PI4KB: variants seen among roughly 807,000 people sequenced by gnomAD.
PI4KB encodes phosphatidylinositol 4-kinase beta, also known as PtdIns 4-kinase beta.
A neutral mutation model predicts 81.4 loss-of-function variants in PI4KB; 23 were observed. The ratio of observed to expected loss-of-function variants is 0.28; its 90% CI spans 0.20 to 0.40. The LOEUF is 0.40. Ranked by LOEUF, PI4KB falls within the 10% of genes least tolerant of loss-of-function variation. The probability of loss-of-function intolerance (pLI) is 1.00; values close to 1 mark genes in which losing one functional copy is unlikely to be tolerated. For missense variants in PI4KB, 651 were observed against 1,036.6 expected (o/e 0.63, Z 5.11); for synonymous variants, 381 against 406.8 (o/e 0.94, Z 0.76).
At chr1:151,308,035 T>G (rs1695931336) in intron 3 of PI4KB, among the ~76,000 whole-genome samples, 1 of 152,202 alleles carries the variant, frequency 6.6e-6, no homozygotes, top group South Asian at 2.1e-4. Context: ...AGGGAGGCCA[T>G]GAGTCCAGGT....
At chr1:151,301,379 C>A (rs1695260701) in intron 8 of PI4KB, among the ~76,000 whole-genome samples, 1 of 152,096 alleles carries the variant, frequency 6.6e-6, no homozygotes, top group African/African-American at 2.4e-5. Flanking sequence ...CTGCACCCAG[C>A]TAATTTTTGT....
At chr1:151,297,166 C>G (rs916082030) in intron 9 of PI4KB, among the ~76,000 whole-genome samples, 1 of 152,126 alleles carries the variant, frequency 6.6e-6, no homozygotes, top group Admixed American at 6.5e-5. Flanking sequence ...CTCTGTTGCC[C>G]TTAACCTCCT....
intron 9 of PI4KB, among the ~76,000 whole-genome samples, chr1:151,296,717 A>T (rs1417458661): frequency 1.3e-5 from 2 of 150,866 alleles, no homozygotes; most frequent in Non-Finnish European, 2.9e-5. Flanking sequence ...CGATTTGCCC[A>T]CCTCGGCCTC....
chr1:151,316,092 C>A lies in PI4KB; in HGVS notation c.390G>T (p.Leu130=), dbSNP rs776156416. The A allele has an allele frequency of 1.2e-6, 2 of 1,614,136 alleles. No individual in the cohort carries two copies. The highest frequency in any genetic ancestry group is 3.3e-5 in the Admixed American group (2 of 60,028). The change falls in exon 2 of 12, where the codon CTG becomes CTT. Residue 130 remains leucine (L), a synonymous_variant. Transcript: ENST00000368873. ...ACAGTTTTGACTCAAACAGCCTCAG[C>A]AGCCAAGACTGTTTAGCTGAGTTGT... ...RQNNSAKQSW[L]LRLFESKLFD... is the part of the protein sequence containing the mutation.
intron 2 of PI4KB, among the ~76,000 whole-genome samples, 177 bp from the exon 3 acceptor site, chr1:151,310,432 C>T (rs985225326): frequency 6.6e-6 from 1 of 152,180 alleles, no homozygotes; most frequent in Non-Finnish European, 1.5e-5. Context: ...GATGCTTGAC[C>T]ACTTGTAGGA....
At chr1:151,305,701 T>C (rs1207548594) in intron 5 of PI4KB, among the ~76,000 whole-genome samples, 1 of 152,220 alleles carries the variant, frequency 6.6e-6, no homozygotes, top group Non-Finnish European at 1.5e-5. Context: ...TCTTTCCAGT[T>C]AGGTCATAAA....
chr1:151,320,237 G>A (rs1648651447), intron 1 of PI4KB, among the ~76,000 whole-genome samples: 1 of 152,116 alleles, frequency 6.6e-6, no homozygotes. Context: ...GTTTCACCAT[G>A]TTAGCCAGGA....
At chr1:151,327,578 G>C (rs1169339190), upstream of PI4KB, 1 of 390,392 alleles carries the variant, frequency 2.6e-6, no homozygotes, top group Non-Finnish European at 4.5e-6. Flanking sequence ...CTTCTCCGGA[G>C]TCCAAGCCAA....
chr1:151,302,577 C>CTTTTTTTTTT (rs144203698), intron 6 of PI4KB, among the ~76,000 whole-genome samples: 8 of 133,792 alleles, frequency 6.0e-5, no homozygotes, highest in Admixed American at 7.7e-5. Context: ...CTTTTCTTTT[C>CTTTTTTTTTT]TTTTTTTTTT....
chr1:151,326,475 A>G, intron 1 of PI4KB: 1 of 389,980 alleles, frequency 2.6e-6, no homozygotes, highest in Non-Finnish European at 4.6e-6. Flanking sequence ...AATCCCTGAA[A>G]CTCGAGGGAG....
chr1:151,310,788 T>G (rs1014917137), intron 2 of PI4KB, among the ~76,000 whole-genome samples: 3 of 152,062 alleles, frequency 2.0e-5, no homozygotes, highest in Non-Finnish European at 2.9e-5. Context: ...ATACCTCTTC[T>G]CTAATTAGCC....
chr1:151,315,807 A>G lies in PI4KB; in HGVS notation c.675T>C (p.Ile225=), dbSNP rs1254056268. The G allele has an allele frequency of 6.2e-7, 1 of 1,612,978 alleles. No homozygotes were observed. The highest frequency in any genetic ancestry group is 8.5e-7 in the Non-Finnish European group (1 of 1,179,500). ...LLGAYSSDMH[I]STQRHSRGTK... The stretch of plus-strand genomic sequence containing the variant: ...TCCCACGGGAGTGTCGTTGAGTGGA[A>G]ATGTGCATGTCTGAAGAATAGGCCC... Residue 225 remains isoleucine, a synonymous_variant, in exon 2 of 12, where the codon ATT becomes ATC. Coordinates refer to ENST00000368873, the MANE Select transcript of PI4KB (RefSeq NM_001369623.2).
intron 9 of PI4KB, 82 bp downstream of exon 9, chr1:151,298,726 G>T: frequency 7.1e-7 from 1 of 1,400,586 alleles, no homozygotes; most frequent in Non-Finnish European, 9.9e-7. Flanking sequence ...ATGGAGGGCA[G>T]TAATAAGTAA....
chr1:151,311,219 C>A (rs1030708824), intron 2 of PI4KB, among the ~76,000 whole-genome samples: 1 of 151,510 alleles, frequency 6.6e-6, no homozygotes, highest in Non-Finnish European at 1.5e-5. Flanking sequence ...TCTACCAGGG[C>A]AGGGAACAGA....
At chr1:151,306,434 A>AGGAAGAACCTTGCT in intron 4 of PI4KB, 71 bp from the exon 5 acceptor site, 2 of 973,688 alleles carry the variant, frequency 2.1e-6, no homozygotes, top group Non-Finnish European at 3.3e-6. Context: ...CTCTGTTAGC[A>AGGAAGAACCTTGCT]AGGTTCTTCC....
intron 9 of PI4KB, chr1:151,298,497 A>G (rs1273987898): frequency 6.3e-5 from 23 of 364,640 alleles, no homozygotes. Flanking sequence ...ACATTCAATT[A>G]TTTCTTCTAG....
chr1:151,320,286 G>A (rs867453005), intron 1 of PI4KB, among the ~76,000 whole-genome samples: 3 of 152,126 alleles, frequency 2.0e-5, no homozygotes, highest in South Asian at 2.1e-4. Flanking sequence ...GCCCACCTCG[G>A]CCTCCCAAAG....
intron 9 of PI4KB, among the ~76,000 whole-genome samples, chr1:151,297,900 G>C (rs1328739078): frequency 6.6e-6 from 1 of 152,148 alleles, no homozygotes; most frequent in Admixed American, 6.6e-5. Context: ...ACTGGCCATT[G>C]CATTTCCACC....
rs1423800732 is a variant in PI4KB, at chr1:151,292,568, C to T, written c.*284G>A. 4 of 399,698 alleles carry T rather than the reference C, an allele frequency of 1.0e-5. No individual in the cohort carries two copies. Among genetic ancestry groups the T allele is most frequent in the Non-Finnish European group, 1.8e-5 (4 of 219,968 alleles). 24.8% of individuals were successfully genotyped at this position (399,698 alleles called of 1,614,324 possible). On this transcript the variant is annotated 3_prime_UTR_variant, in exon 12 of 12. Coordinates refer to ENST00000368873, the MANE Select transcript of PI4KB (RefSeq NM_001369623.2). ...GCCCCAGTGTCCCTCACATTTGTCA[C>T]CTCTGTTTTCTGGAGGGCAGTGAGT...
Sources: gnomAD v4.1 joint callset for allele counts (sites outside exome capture counted in the v4.1 genomes callset) on GRCh38, gnomAD v4.1.1 for gene constraint, MANE v1.5 for transcripts, NCBI Gene and HGNC (gene_info 2026-07-23, HGNC 2026-07-21) for gene names.